The following ZNF81 variants were observed in gnomAD, a reference collection of about 807,000 sequenced individuals.
The protein encoded by ZNF81 is zinc finger protein 81.
ZNF81 carries 5 observed loss-of-function variants against 32.3 expected under a neutral mutation model. The observed-to-expected ratio is 0.15, with a 90% CI of 0.08 to 0.33. The LOEUF (loss-of-function observed/expected upper bound fraction) is 0.33. Among genes scored for constraint, ZNF81 ranks in the 10% least tolerant of loss-of-function variants. The probability of loss-of-function intolerance (pLI) is 1.00; values close to 1 mark genes in which losing one functional copy is unlikely to be tolerated. For missense variants in ZNF81, 379 were observed against 479.8 expected (o/e 0.79, Z 1.96); for synonymous variants, 163 against 166.8 (o/e 0.98, Z 0.17).
intron 1 of ZNF81, among the ~76,000 whole-genome samples, chrX:47,843,698 A>G (rs934968705): frequency 9.0e-6 from 1 of 110,593 alleles, no homozygotes; most frequent in Admixed American, 9.6e-5. Context: ...TAATTTTTCT[A>G]TTTTTTTGTA....
rs2058781992 is a variant in ZNF81, at chrX:47,923,064, C to G, written c.*6432C>G. On this transcript the variant is annotated 3_prime_UTR_variant, in exon 5 of 5. Coordinates refer to ENST00000338637, the MANE Select transcript of ZNF81 (RefSeq NM_007137.5). ...ATTTTAACTTAATTACCTCTGTACT[C>G]TATTTCCAAATAAAATTGTATTCTG... 8.9e-6 allele frequency among the ~76,000 whole-genome samples: 1 copy of G among 111,802 alleles called. No homozygotes were observed. The highest frequency in any genetic ancestry group is 3.3e-5 in the African/African-American group (1 of 30,714).
At chrX:47,838,112 T>C (rs2058432504) in intron 1 of ZNF81, among the ~76,000 whole-genome samples, 1 of 112,425 alleles carries the variant, frequency 8.9e-6, no homozygotes, top group Non-Finnish European at 1.9e-5. Context: ...TGGTGTTATC[T>C]TTTAAATTGT....
At chrX:47,887,178 T>C (rs2058645186) in intron 2 of ZNF81, among the ~76,000 whole-genome samples, 1 of 111,977 alleles carries the variant, frequency 8.9e-6, no homozygotes, top group South Asian at 3.7e-4. Flanking sequence ...TCTAATGATA[T>C]ATCTGTCTGT....
chrX:47,838,444 CT>C (rs1321366006), intron 1 of ZNF81, among the ~76,000 whole-genome samples: 2 of 111,384 alleles, frequency 1.8e-5, no homozygotes, highest in African/African-American at 6.5e-5. Context: ...GTAGGGCTTT[CT>C]TTTTTTGGAC....
At chrX:47,848,150 C>T (rs1016179445) in intron 2 of ZNF81, among the ~76,000 whole-genome samples, 2 of 110,782 alleles carry the variant, frequency 1.8e-5, no homozygotes, top group African/African-American at 3.3e-5. Context: ...CTCCTGACCT[C>T]GTGATCTGCC....
intron 2 of ZNF81, among the ~76,000 whole-genome samples, chrX:47,853,113 C>G (rs5906490): frequency 0.4 from 44,417 of 109,888 alleles, 7,098 homozygotes; most frequent in East Asian, 0.61. Flanking sequence ...CAACAGTGGT[C>G]TTAAAATATT....
chrX:47,885,452 A>G (rs958224200), intron 2 of ZNF81, among the ~76,000 whole-genome samples: 1 of 111,518 alleles, frequency 9.0e-6, no homozygotes, highest in African/African-American at 3.3e-5. Context: ...TTTTTGTCTT[A>G]CTCATCTGTT....
intron 2 of ZNF81, among the ~76,000 whole-genome samples, chrX:47,880,850 C>A (rs2058618179): frequency 9.0e-6 from 1 of 111,646 alleles, no homozygotes; most frequent in South Asian, 3.7e-4. Context: ...GAATTTATTT[C>A]TTACAGTTAT....
chrX:47,891,601 T>C (rs1442864167), intron 3 of ZNF81, among the ~76,000 whole-genome samples: 1 of 112,048 alleles, frequency 8.9e-6, no homozygotes, highest in Non-Finnish European at 1.9e-5. Context: ...AATATGTCCT[T>C]CCAATTATGT....
At chrX:47,841,137 A>G (rs1438656382) in intron 1 of ZNF81, 7 of 833,755 alleles carry the variant, frequency 8.4e-6, no homozygotes, top group Non-Finnish European at 1.2e-5. Context: ...CAATTTCATG[A>G]ATGAGGTCTT....
intron 4 of ZNF81, among the ~76,000 whole-genome samples, chrX:47,898,834 C>T (rs1267246640): frequency 1.8e-5 from 2 of 111,427 alleles, no homozygotes; most frequent in Non-Finnish European, 3.8e-5. Context: ...TTCTGTTTTA[C>T]ATGGCATTGT....
At chrX:47,840,127 C>CTT (rs34211141) in intron 1 of ZNF81, among the ~76,000 whole-genome samples, 16 of 82,811 alleles carry the variant, frequency 1.9e-4, no homozygotes, top group African/African-American at 4.2e-4. Context: ...TCTTCTCTCT[C>CTT]TTTTTTTTTT....
intron 4 of ZNF81, among the ~76,000 whole-genome samples, chrX:47,898,397 A>G (rs1207217806): frequency 2.7e-5 from 3 of 111,949 alleles, no homozygotes; most frequent in East Asian, 2.8e-4. Context: ...CCCAGATGCC[A>G]GAACATCAAG....
intron 1 of ZNF81, among the ~76,000 whole-genome samples, chrX:47,843,460 C>CACACACACACAA (rs2058458495): frequency 9.1e-6 from 1 of 110,119 alleles, no homozygotes. Flanking sequence ...CACACACACA[C>CACACACACACAA]ACACATTCTT....
At chrX:47,882,563 T>A (rs1276614431) in intron 2 of ZNF81, among the ~76,000 whole-genome samples, 1 of 112,974 alleles carries the variant, frequency 8.9e-6, no homozygotes, top group Non-Finnish European at 1.9e-5. Flanking sequence ...AGTTTCTGAT[T>A]ATCATGAATC....
At position 47,917,221 on chromosome X, in the gene ZNF81, G is replaced by C; in HGVS notation, c.*589G>C. 3.4e-6 allele frequency: 1 copy of C among 296,007 alleles called. No individual in the cohort carries two copies. Among genetic ancestry groups the C allele is most frequent in the Non-Finnish European group, 5.9e-6 (1 of 169,363 alleles). The allele number at this position is 296,007 out of a possible 1,213,427, so 24.4% of individuals were successfully genotyped here. Reference sequence around the variant, plus strand: ...GTTTCTTATTGAATATTTCTATCAAGTGAATCCACAATTTAAAAGTCACTT... The same window carrying C: ...GTTTCTTATTGAATATTTCTATCAACTGAATCCACAATTTAAAAGTCACTT... On this transcript the variant is annotated 3_prime_UTR_variant, in exon 5 of 5. Transcript: ENST00000338637.
chrX:47,892,777 C>T (rs1027855599), intron 3 of ZNF81, among the ~76,000 whole-genome samples: 3 of 112,686 alleles, frequency 2.7e-5, no homozygotes, highest in Non-Finnish European at 5.6e-5. Flanking sequence ...TGAATCGTGC[C>T]GTTCTTTTGG....
At chrX:47,875,044 G>T (rs2148021155) in intron 2 of ZNF81, among the ~76,000 whole-genome samples, 1 of 104,315 alleles carries the variant, frequency 9.6e-6, no homozygotes, top group South Asian at 5.2e-4. Flanking sequence ...CCATCTCAAA[G>T]ATTATGGCTT....
intron 3 of ZNF81, among the ~76,000 whole-genome samples, chrX:47,895,349 C>G (rs781955355): frequency 9.0e-6 from 1 of 111,183 alleles, no homozygotes; most frequent in African/African-American, 3.3e-5. Context: ...GGTATTGCTG[C>G]TACAAGCATG....
Sources: allele counts gnomAD v4.1 joint callset (sites outside exome capture counted in the v4.1 genomes callset), GRCh38; gene constraint gnomAD v4.1.1; transcripts MANE v1.5; gene names NCBI Gene and HGNC (gene_info 2026-07-23, HGNC 2026-07-21).